Variants in ARHGAP32 observed in about 807,000 individuals in gnomAD.
The protein encoded by ARHGAP32 is rho GTPase-activating protein 32.
A neutral mutation model predicts 186.5 loss-of-function variants in ARHGAP32; 51 were observed. The observed-to-expected ratio is 0.27, with a 90% CI of 0.22 to 0.35. The LOEUF (loss-of-function observed/expected upper bound fraction) is 0.35, where lower values mean the gene tolerates loss of function less well. ARHGAP32 is among the 10% of genes least tolerant of loss of function. ARHGAP32 has a pLI of 1.00. For missense variants in ARHGAP32, 2,186 were observed against 2,623.5 expected, an observed-to-expected ratio of 0.83 and a Z score of 3.64; for synonymous variants, 950 against 964.3, an observed-to-expected ratio of 0.99 and a Z score of 0.27.
intron 20 of ARHGAP32, among the ~76,000 whole-genome samples, chr11:128,975,541 T>C (rs1591489258): frequency 6.6e-6 from 1 of 152,258 alleles, no homozygotes; most frequent in Non-Finnish European, 1.5e-5. Context: ...TAGTAAAAAA[T>C]TCCTTTCAGA....
chr11:129,164,939 T>C (rs965480407), intron 1 of ARHGAP32, among the ~76,000 whole-genome samples: 1 of 152,144 alleles, frequency 6.6e-6, no homozygotes, highest in Non-Finnish European at 1.5e-5. Context: ...AAGCAACCAA[T>C]ACAGATGGGA....
chr11:129,016,894 T>C (rs978595774), intron 11 of ARHGAP32, among the ~76,000 whole-genome samples: 6 of 152,248 alleles, frequency 3.9e-5, no homozygotes, highest in East Asian at 1.9e-4. Flanking sequence ...CTTCAATAAA[T>C]TGTTCAAATT....
At chr11:129,129,510 C>G (rs1187245993) in intron 2 of ARHGAP32, among the ~76,000 whole-genome samples, 1 of 152,188 alleles carries the variant, frequency 6.6e-6, no homozygotes, top group Admixed American at 6.5e-5. Flanking sequence ...CCCCTCTGCC[C>G]GGCCGCCACC....
chr11:129,179,410 G>A (rs1051002445), intron 1 of ARHGAP32, among the ~76,000 whole-genome samples: 4 of 152,144 alleles, frequency 2.6e-5, no homozygotes, highest in African/African-American at 9.7e-5. Context: ...TCTAGAACTA[G>A]AAATACCATT....
intron 1 of ARHGAP32, among the ~76,000 whole-genome samples, chr11:129,268,144 T>A (rs1180830448): frequency 6.6e-6 from 1 of 152,098 alleles, no homozygotes; most frequent in Non-Finnish European, 1.5e-5. Context: ...ATGTTAGGGA[T>A]GGGCCTGAAA....
intron 6 of ARHGAP32, among the ~76,000 whole-genome samples, chr11:129,087,790 T>C (rs1941454315): frequency 6.6e-6 from 1 of 152,224 alleles, no homozygotes; most frequent in Non-Finnish European, 1.5e-5. Flanking sequence ...AATGTACCAC[T>C]GTGGTGTGGG....
chr11:129,140,185 G>T (rs1943021922), intron 2 of ARHGAP32, among the ~76,000 whole-genome samples: 1 of 152,066 alleles, frequency 6.6e-6, no homozygotes, highest in Non-Finnish European at 1.5e-5. Flanking sequence ...AATTCATGCA[G>T]CCCCTAAAAG....
At chr11:129,259,433 A>G (rs1591724498) in intron 1 of ARHGAP32, among the ~76,000 whole-genome samples, 1 of 152,294 alleles carries the variant, frequency 6.6e-6, no homozygotes, top group Non-Finnish European at 1.5e-5. Flanking sequence ...GAAGAAAAAA[A>G]AGAGTACTGC....
intron 1 of ARHGAP32, among the ~76,000 whole-genome samples, chr11:129,224,396 A>G (rs1182650711): frequency 6.6e-6 from 1 of 152,210 alleles, no homozygotes; most frequent in East Asian, 1.9e-4. Context: ...ACATCAGTGA[A>G]AACAGTAGAG....
At chr11:129,234,933 T>C (rs573269038) in intron 1 of ARHGAP32, among the ~76,000 whole-genome samples, 25 of 152,162 alleles carry the variant, frequency 1.6e-4, no homozygotes, top group Non-Finnish European at 3.2e-4. Flanking sequence ...TTTTGACCAG[T>C]GGCCCCCAAA....
chr11:129,050,365 A>C (rs185021518), intron 10 of ARHGAP32, among the ~76,000 whole-genome samples: 1 of 151,922 alleles, frequency 6.6e-6, no homozygotes, highest in African/African-American at 2.4e-5. Context: ...TTTCTTCTTT[A>C]ATTTTGAGAG....
intron 11 of ARHGAP32, among the ~76,000 whole-genome samples, chr11:129,001,949 A>G (rs938065404): frequency 4.6e-5 from 7 of 152,062 alleles, no homozygotes; most frequent in Admixed American, 3.3e-4. Context: ...TGGGTTCTCT[A>G]TTCTGTTCCG....
chr11:129,093,717 AG>A lies in ARHGAP32; in HGVS notation c.445-11del, dbSNP rs748056961. On this transcript the variant is annotated splice_polypyrimidine_tract_variant and intron_variant, in intron 5 of 22. Transcript: ENST00000682385. ...CTTCTGAAAGTGAAAGCTACATCAC[AG>A]AAAAAAAAGAAGAGGGGGAAAGAAA... 3.2e-6 allele frequency: 5 copies of A among 1,557,390 alleles called. No individual in the cohort carries two copies. The South Asian group carries it at 5.9e-5, about 18-fold the overall frequency.
chr11:129,213,626 A>C (rs1042466107), intron 1 of ARHGAP32, among the ~76,000 whole-genome samples: 7 of 152,162 alleles, frequency 4.6e-5, no homozygotes, highest in African/African-American at 1.4e-4. Flanking sequence ...AGTAACATTT[A>C]ATGTAATATA....
intron 10 of ARHGAP32, among the ~76,000 whole-genome samples, chr11:129,045,452 A>C (rs957966813): frequency 6.6e-6 from 1 of 152,228 alleles, no homozygotes; most frequent in Non-Finnish European, 1.5e-5. Context: ...AGTTCTATGA[A>C]TTTGTGAAAG....
chr11:129,229,911 G>A (rs565591378), intron 1 of ARHGAP32, among the ~76,000 whole-genome samples: 1 of 152,016 alleles, frequency 6.6e-6, no homozygotes, highest in South Asian at 2.1e-4. Flanking sequence ...AACCTTCTCC[G>A]ACTCAAGTGA....
rs1352516756 is a variant in ARHGAP32, at chr11:128,970,713, A to T, written c.4500T>A (p.Phe1500Leu). ...TGAAATGCAAACAGTTATCTGGACC[A>T]AAGGGTTCAGTGGTGACATCGGGCC... ...FARPDVTTEP[F>L]GPDNCLHFNM... The change falls in exon 23 of 23, where the codon TTT becomes TTA. Residue 1500 changes from phenylalanine (F) to leucine (L), a missense_variant. Transcript: ENST00000682385. This position sits in a 1 kb window ranked among gnomAD's most constrained non-coding sequence, Gnocchi z 5.8. 6.2e-7 allele frequency: 1 copy of T among 1,614,200 alleles called. No homozygotes were observed. Among genetic ancestry groups the T allele is most frequent in the East Asian group, 2.2e-5 (1 of 44,886 alleles).
chr11:129,042,282 C>T (rs924424905), intron 10 of ARHGAP32, among the ~76,000 whole-genome samples: 3 of 152,142 alleles, frequency 2.0e-5, no homozygotes, highest in Admixed American at 6.5e-5. Context: ...TCCTGAGTAG[C>T]TGCGACTCTG....
At chr11:129,200,376 C>T (rs998069453) in intron 1 of ARHGAP32, among the ~76,000 whole-genome samples, 1 of 152,162 alleles carries the variant, frequency 6.6e-6, no homozygotes, top group African/African-American at 2.4e-5. Flanking sequence ...GTGGGAGGGA[C>T]CCAGTGGGTG....
Sources: gnomAD v4.1 joint callset for allele counts (sites outside exome capture counted in the v4.1 genomes callset) on GRCh38, gnomAD v4.1.1 for gene constraint, Gnocchi (gnomAD v3.1) non-coding constraint, MANE v1.5 for transcripts, NCBI Gene and HGNC (gene_info 2026-07-23, HGNC 2026-07-21) for gene names.